MYPN: variants seen among roughly 807,000 people sequenced by gnomAD.
MYPN encodes the protein sarcomeric protein myopalladin, 145 kDa (MYOP).
A neutral mutation model predicts 129.4 loss-of-function variants in MYPN; 63 were observed. The ratio of observed to expected loss-of-function variants is 0.49; its 90% confidence interval spans 0.40 to 0.60. The LOEUF is 0.60. MYPN is among the 20% of genes least tolerant of loss of function. The pLI is 0.00. For missense variants in MYPN, 1,596 were observed against 1,635.4 expected (o/e 0.98, Z 0.42); for synonymous variants, 629 against 600.9 (o/e 1.05, Z -0.68).
At position 68,194,215 on chromosome 10, in the gene MYPN, T is replaced by C. The variant is rs2043564371; in HGVS notation, c.2926-148T>C. On this transcript the variant is annotated intron_variant, in intron 13 of 19. Transcript: ENST00000358913. ...GAGGGGCATATTATACAGCCATTTT[T>C]AATATGTTTTATAACTTTTTTTCAA... The C allele has an allele frequency of 1.4e-5, 10 of 695,734 alleles. No individual in the cohort carries two copies. In the East Asian group the frequency reaches 2.5e-4, roughly 17 times the overall value. The allele number at this position is 695,734 out of a possible 1,614,324, so 43.1% of individuals were successfully genotyped here.
intron 1 of MYPN, among the ~76,000 whole-genome samples, chr10:68,119,577 A>AT (rs2042210874): frequency 6.6e-6 from 1 of 151,692 alleles, no homozygotes; most frequent in Admixed American, 6.6e-5. Context: ...CGCCCAGCTA[A>AT]TTTTTTGTAT....
At chr10:68,183,155 C>A (rs550048310) in intron 12 of MYPN, among the ~76,000 whole-genome samples, 2 of 152,182 alleles carry the variant, frequency 1.3e-5, no homozygotes, top group South Asian at 2.1e-4. Flanking sequence ...TAACTTACCA[C>A]CATGTATAAT....
At chr10:68,179,273 T>G (rs1368487717) in intron 12 of MYPN, among the ~76,000 whole-genome samples, 1 of 152,192 alleles carries the variant, frequency 6.6e-6, no homozygotes, top group Non-Finnish European at 1.5e-5. Context: ...GGCCACTGGC[T>G]TTATGCTGCC....
chr10:68,104,714 C>T (rs529009746), upstream of MYPN, among the ~76,000 whole-genome samples: 1 of 152,230 alleles, frequency 6.6e-6, no homozygotes, highest in Non-Finnish European at 1.5e-5. Flanking sequence ...AGAAAAATTA[C>T]AAACTTAAAC....
At chr10:68,096,109 C>T (rs1434842926) in intron 1 of MYPN, among the ~76,000 whole-genome samples, 3 of 152,034 alleles carry the variant, frequency 2.0e-5, no homozygotes, top group Non-Finnish European at 4.4e-5. Context: ...ACAAATCAAC[C>T]GATATTTCTA....
Position 68,212,000 on chromosome 10 carries a change from A to G in MYPN, c.*1545A>G, listed in dbSNP as rs1396081752. ...GCAAGGATTTCCAGCATAAAAATAA[A>G]TTCATTCACTGGAGAAATCATTTGT... On this transcript the variant is annotated 3_prime_UTR_variant, in exon 20 of 20. Transcript: ENST00000358913. 5.6e-6 allele frequency: 2 copies of G among 357,742 alleles called. No homozygotes were observed. The highest frequency in any genetic ancestry group is 4.3e-5 in the African/African-American group (2 of 46,888). The allele number at this position is 357,742 out of a possible 1,614,324, so 22.2% of individuals were successfully genotyped here.
chr10:68,179,921 A>T (rs920662275), intron 12 of MYPN, among the ~76,000 whole-genome samples: 7 of 152,218 alleles, frequency 4.6e-5, no homozygotes, highest in African/African-American at 1.7e-4. Context: ...TGTTAACCAA[A>T]CATTTAAGTA....
upstream of MYPN, among the ~76,000 whole-genome samples, chr10:68,108,052 T>C (rs947216428): frequency 2.0e-5 from 3 of 152,194 alleles, no homozygotes; most frequent in African/African-American, 7.2e-5. Flanking sequence ...AGAAGGACAA[T>C]TAAGTGGTCT....
In MYPN at chr10:68,211,541, G is replaced by A; in HGVS notation, c.*1086G>A. ...TATGTAGAGAATATTCTGCTAGGTGGAAAAGTTGGGAGAAAGGGGAATATG... is the reference window on the plus strand; with the variant it reads ...TATGTAGAGAATATTCTGCTAGGTGAAAAAGTTGGGAGAAAGGGGAATATG... On this transcript the variant is annotated 3_prime_UTR_variant, in exon 20 of 20. Transcript: ENST00000358913. 1 of 454,064 alleles carries A rather than the reference G, an allele frequency of 2.2e-6. No individual in the cohort carries two copies. Among genetic ancestry groups the A allele is most frequent in the South Asian group, 1.6e-5 (1 of 64,474 alleles). The allele number at this position is 454,064 out of a possible 1,614,324, so 28.1% of individuals were successfully genotyped here.
rs71009021 is a variant in MYPN, at chr10:68,196,483, C to CTTTTTTTTTTT, written c.3159-862_3159-852dup. 6.7e-3 allele frequency among the ~76,000 whole-genome samples: 757 copies of CTTTTTTTTTTT among 112,436 alleles called. 21 individuals are homozygous for CTTTTTTTTTTT. Among genetic ancestry groups the CTTTTTTTTTTT allele is most frequent in the Non-Finnish European group, 0.011 (605 of 55,150 alleles). The allele number at this position is 112,436 out of a possible 152,430, so 73.8% of individuals were successfully genotyped here. Reference sequence around the variant, plus strand: ...ACCGTTGCAACTATACCTTCTTCTTCTTTTTTTTTTTTTTTTTGAGATGGG... The same window carrying CTTTTTTTTTTT: ...ACCGTTGCAACTATACCTTCTTCTTCTTTTTTTTTTTTTTTTTTTTTTTTTTTTGAGATGGG... On this transcript the variant is annotated intron_variant, in intron 15 of 19. Coordinates refer to ENST00000358913, the MANE Select transcript of MYPN (RefSeq NM_032578.4).
chr10:68,127,596 G>A (rs966883018), intron 2 of MYPN, among the ~76,000 whole-genome samples: 1 of 151,790 alleles, frequency 6.6e-6, no homozygotes, highest in African/African-American at 2.4e-5. Flanking sequence ...GCCTCCCAAA[G>A]TGCTGGGATT....
At chr10:68,184,336 T>C (rs1252834702) in intron 12 of MYPN, among the ~76,000 whole-genome samples, 1 of 152,216 alleles carries the variant, frequency 6.6e-6, no homozygotes, top group African/African-American at 2.4e-5. Flanking sequence ...TCGTAGAGAA[T>C]TGGTAAAAGG....
intron 1 of MYPN, among the ~76,000 whole-genome samples, chr10:68,116,729 T>C (rs896264660): frequency 2.7e-5 from 4 of 150,740 alleles, no homozygotes; most frequent in African/African-American, 9.8e-5. Flanking sequence ...AGAGCGAGAG[T>C]CTATCTCAAA....
Position 68,145,483 on chromosome 10 carries a change from T to G in MYPN, c.1087T>G (p.Ser363Ala), listed in dbSNP as rs775098267. 6.2e-7 allele frequency: 1 copy of G among 1,613,446 alleles called. No individual in the cohort carries two copies. Among genetic ancestry groups the G allele is most frequent in the Admixed American group, 1.7e-5 (1 of 60,004 alleles). Residue 363 changes from serine to alanine, a missense_variant, in exon 4 of 20, where the codon TCT becomes GCT. Ser to Ala is a moderately conservative substitution (Grantham distance 99). Transcript: ENST00000358913. ...SAEIYIEGVS[S>A]SDSEGDPNKE... Reference sequence around the variant, plus strand: ...TGTTTTTATTTTTCCAGGGGTTTCTTCTTCTGACTCAGAAGGCGACCCTAA... The same window carrying G: ...TGTTTTTATTTTTCCAGGGGTTTCTGCTTCTGACTCAGAAGGCGACCCTAA...
At chr10:68,140,099 G>T (rs2042552245) in intron 2 of MYPN, among the ~76,000 whole-genome samples, 1 of 152,184 alleles carries the variant, frequency 6.6e-6, no homozygotes, top group Non-Finnish European at 1.5e-5. Context: ...TCATGAGAAG[G>T]ACCTATCTTT....
Position 68,199,540 on chromosome 10 carries a change from G to A in MYPN, c.3458G>A (p.Gly1153Glu). 7.4e-6 allele frequency: 12 copies of A among 1,614,062 alleles called. No individual in the cohort carries two copies. Among genetic ancestry groups the A allele is most frequent in the Non-Finnish European group, 9.3e-6 (11 of 1,179,998 alleles). Residue 1153 changes from glycine to glutamate, a missense_variant, in exon 17 of 20, where the codon GGG (glycine) becomes GAG (glutamate). Gly to Glu is a moderately conservative substitution (Grantham distance 98, BLOSUM62 -2). Transcript: ENST00000358913. Reference sequence around the variant, plus strand: ...AAGTGCATCGCTACCAACAAAACCGGGCAGAATTCTTTTAGTCTGGAGCTC... The same window carrying A: ...AAGTGCATCGCTACCAACAAAACCGAGCAGAATTCTTTTAGTCTGGAGCTC... ...TYKCIATNKT[G>E]QNSFSLELSV...
Position 68,122,858 on chromosome 10 carries a change from C to T in MYPN, c.902+518C>T, listed in dbSNP as rs545185664. 9.9e-5 allele frequency among the ~76,000 whole-genome samples: 15 copies of T among 152,086 alleles called. No individual in the cohort carries two copies. In the South Asian group the frequency reaches 3.1e-3, roughly 32 times the overall value. On this transcript the variant is annotated intron_variant, in intron 2 of 19. Coordinates refer to ENST00000358913, the MANE Select transcript of MYPN (RefSeq NM_032578.4). Reference sequence around the variant, plus strand: ...CGGAGGTTGCGGTGAGCCGAGATCGCGCCACTGCTCTCCAGCCCGGGCAAC... The same window carrying T: ...CGGAGGTTGCGGTGAGCCGAGATCGTGCCACTGCTCTCCAGCCCGGGCAAC...
At chr10:68,107,444 G>T (rs1359786070), upstream of MYPN, among the ~76,000 whole-genome samples, 2 of 149,608 alleles carry the variant, frequency 1.3e-5, no homozygotes, top group Admixed American at 1.3e-4. Context: ...AGGTTCAAGA[G>T]ACTCTCCTGC....
chr10:68,188,811 C>A (rs1360559857), intron 12 of MYPN, 94 bp from the exon 13 acceptor site: 1 of 999,576 alleles, frequency 1.0e-6, no homozygotes, highest in African/African-American at 1.6e-5. Flanking sequence ...ATAAATCTAA[C>A]GTCTGAATCT....
Sources: gnomAD v4.1 joint callset for allele counts (sites outside exome capture counted in the v4.1 genomes callset) on GRCh38, gnomAD v4.1.1 for gene constraint, MANE v1.5 for transcripts, NCBI Gene and HGNC (gene_info 2026-07-23, HGNC 2026-07-21) for gene names.